The following SLC8A1 variants were observed in gnomAD, a reference collection of about 807,000 sequenced individuals.
The protein encoded by SLC8A1 is sodium/calcium exchanger 1.
SLC8A1 carries 18 observed loss-of-function variants against 68.3 expected under a neutral mutation model. The ratio of observed to expected loss-of-function variants is 0.26; its 90% CI spans 0.18 to 0.39. The LOEUF is 0.39. Ranked by LOEUF, SLC8A1 falls within the 10% of genes least tolerant of loss-of-function variation. The pLI is 1.00. For synonymous variants in SLC8A1, 475 were observed against 415.5 expected, an observed-to-expected ratio of 1.14 and a Z score of -1.74; for missense variants, 985 against 1,156.7, an observed-to-expected ratio of 0.85 and a Z score of 2.15.
intron 1 of SLC8A1, among the ~76,000 whole-genome samples, chr2:40,496,756 A>G (rs913825203): frequency 6.6e-6 from 1 of 151,970 alleles, no homozygotes; most frequent in Non-Finnish European, 1.5e-5. Context: ...CAAAATGTGC[A>G]TGAGTAATGT....
At chr2:40,108,714 C>G (rs1418625028) in exon 8 of SLC8A1, 5 of 152,060 alleles carry the variant, frequency 3.3e-5, no homozygotes, top group Non-Finnish European at 1.5e-5. Flanking sequence ...TTAGTTCACT[C>G]TTTGTTTTTT....
At chr2:40,389,813 A>G (rs1428519112) in intron 2 of SLC8A1, among the ~76,000 whole-genome samples, 1 of 148,442 alleles carries the variant, frequency 6.7e-6, no homozygotes, top group Non-Finnish European at 1.5e-5. Flanking sequence ...GGAAATATAT[A>G]TATGATATAT....
intron 2 of SLC8A1, among the ~76,000 whole-genome samples, chr2:40,344,374 G>C (rs1490619744): frequency 6.6e-6 from 1 of 152,050 alleles, no homozygotes; most frequent in East Asian, 1.9e-4. Context: ...TTTGGAGGGA[G>C]AGATTTAGCC....
intron 2 of SLC8A1, among the ~76,000 whole-genome samples, chr2:40,202,438 G>C (rs1409452644): frequency 6.6e-6 from 1 of 151,880 alleles, no homozygotes; most frequent in Non-Finnish European, 1.5e-5. Context: ...TGGTGATTAT[G>C]TTTCTACCTG....
chr2:40,260,119 T>C (rs2064491426), intron 2 of SLC8A1, among the ~76,000 whole-genome samples: 1 of 152,212 alleles, frequency 6.6e-6, no homozygotes, highest in East Asian at 1.9e-4. Flanking sequence ...ATTTCCTTAG[T>C]CCAAGAAAGT....
chr2:40,343,132 G>A (rs541705853), intron 2 of SLC8A1, among the ~76,000 whole-genome samples: 115 of 152,156 alleles, frequency 7.6e-4, no homozygotes, highest in African/African-American at 2.7e-3. Context: ...ATGATTCAAT[G>A]TAAAACTTGG....
At chr2:40,455,333 A>G (rs938837819), upstream of SLC8A1, among the ~76,000 whole-genome samples, 1 of 152,208 alleles carries the variant, frequency 6.6e-6, no homozygotes, top group Non-Finnish European at 1.5e-5. Flanking sequence ...CATAGGGAAA[A>G]CAAGCACAAT....
chr2:40,401,428 T>A (rs988582914), intron 2 of SLC8A1, among the ~76,000 whole-genome samples: 3 of 124,730 alleles, frequency 2.4e-5, no homozygotes, highest in Non-Finnish European at 3.0e-5. Flanking sequence ...TCTATGCTAT[T>A]TTTTTTAACA....
Position 40,333,921 on chromosome 2 carries a change from A to T in SLC8A1, c.1808+94552T>A, listed in dbSNP as rs199911647. 2.6e-5 allele frequency among the ~76,000 whole-genome samples: 4 copies of T among 151,978 alleles called. No individual in the cohort carries two copies. In the East Asian group the frequency reaches 7.8e-4, roughly 29 times the overall value. On this transcript the variant is annotated intron_variant, in intron 2 of 7. Transcript: ENST00000406785. ...AAATTAGCCGGACATGGTGGTGCAC[A>T]CCTGTAATCTCAGCTACTTGGGAGG...
exon 8 of SLC8A1, chr2:40,115,376 G>A (rs373502373): frequency 9.9e-6 from 16 of 1,613,992 alleles, no homozygotes; most frequent in South Asian, 1.1e-5. Context: ...GCTCACCTCC[G>A]ATTTCTGGCC....
At chr2:40,201,480 T>C (rs1558729359) in intron 2 of SLC8A1, among the ~76,000 whole-genome samples, 1 of 152,062 alleles carries the variant, frequency 6.6e-6, no homozygotes, top group East Asian at 1.9e-4. Context: ...ATCTTGATGA[T>C]CAACCACAGC....
intron 1 of SLC8A1, among the ~76,000 whole-genome samples, 158 bp downstream of exon 1, chr2:40,451,737 TCACACACAC>T (rs1702539144): frequency 7.5e-6 from 1 of 133,664 alleles, no homozygotes; most frequent in South Asian, 2.6e-4. Flanking sequence ...ACACACCACA[TCACACACAC>T]ACACACACAC....
At chr2:40,372,425 C>T (rs1307318777) in intron 2 of SLC8A1, among the ~76,000 whole-genome samples, 1 of 152,102 alleles carries the variant, frequency 6.6e-6, no homozygotes, top group African/African-American at 2.4e-5. Flanking sequence ...GTGGAAGCCA[C>T]AAACTCCTCT....
At chr2:40,343,497 A>T (rs974813874) in intron 2 of SLC8A1, among the ~76,000 whole-genome samples, 1 of 152,212 alleles carries the variant, frequency 6.6e-6, no homozygotes, top group Non-Finnish European at 1.5e-5. Context: ...TTTGTAAGGC[A>T]CTGTTCTATT....
chr2:40,489,960 C>G (rs549370249), intron 1 of SLC8A1, among the ~76,000 whole-genome samples: 1 of 152,112 alleles, frequency 6.6e-6, no homozygotes, highest in Admixed American at 6.6e-5. Flanking sequence ...CTTACATTCA[C>G]TTGATGATAC....
chr2:40,133,714 C>A (rs1572952539), intron 7 of SLC8A1, among the ~76,000 whole-genome samples: 2 of 128,476 alleles, frequency 1.6e-5, no homozygotes, highest in Non-Finnish European at 3.3e-5. Flanking sequence ...CCCCCCCCCA[C>A]CGACTCATCA....
intron 6 of SLC8A1, among the ~76,000 whole-genome samples, chr2:40,154,057 G>C (rs554144581): frequency 2.6e-5 from 4 of 152,286 alleles, no homozygotes; most frequent in Non-Finnish European, 4.4e-5. Flanking sequence ...ACTGGAATTA[G>C]ACTCACGATG....
At chr2:40,167,976 G>A (rs1215843627) in intron 4 of SLC8A1, among the ~76,000 whole-genome samples, 1 of 152,072 alleles carries the variant, frequency 6.6e-6, no homozygotes, top group South Asian at 2.1e-4. Flanking sequence ...GAATATAGTA[G>A]GTGCTCAATA....
chr2:40,428,569 A>G, exon 2 of SLC8A1: 2 of 1,613,896 alleles, frequency 1.2e-6, no homozygotes, highest in Non-Finnish European at 1.7e-6. Context: ...ATATGGAACG[A>G]TAACATTTCC....
Sources: gnomAD v4.1 joint callset for allele counts (sites outside exome capture counted in the v4.1 genomes callset) on GRCh38, gnomAD v4.1.1 for gene constraint, MANE v1.5 for transcripts, NCBI Gene and HGNC (gene_info 2026-07-23, HGNC 2026-07-21) for gene names.